Variants in CFAP54 observed in about 807,000 individuals in gnomAD.
CFAP54 encodes cilia- and flagella-associated protein 54.
Under a neutral mutation model 370.4 loss-of-function variants are expected in CFAP54, and 290 were observed. That is an observed-to-expected ratio of 0.78 (90% confidence interval 0.71 to 0.86). CFAP54 has a LOEUF of 0.86. CFAP54 is among the 40% of genes least tolerant of loss of function. CFAP54 has a pLI of 0.00. For missense variants in CFAP54, 3,399 were observed against 3,528.7 expected (o/e 0.96, Z 0.93); for synonymous variants, 1,206 against 1,236.5 (o/e 0.98, Z 0.52).
chr12:96,676,983 A>G (rs1296807479), intron 39 of CFAP54, among the ~76,000 whole-genome samples: 1 of 144,748 alleles, frequency 6.9e-6, no homozygotes, highest in Non-Finnish European at 1.5e-5. Flanking sequence ...AGCCCCAAAT[A>G]TCTGTGCAAA....
chr12:96,599,458 A>G (rs1305614572), intron 26 of CFAP54, among the ~76,000 whole-genome samples: 4 of 152,058 alleles, frequency 2.6e-5, no homozygotes, highest in Non-Finnish European at 5.9e-5. Flanking sequence ...GAATAGTGCC[A>G]CAATAAACAT....
intron 60 of CFAP54, among the ~76,000 whole-genome samples, chr12:96,775,780 G>A (rs1207135799): frequency 6.6e-6 from 1 of 152,034 alleles, no homozygotes; most frequent in Non-Finnish European, 1.5e-5. Context: ...TCCCGCTTTT[G>A]TTTCACTTTT....
chr12:96,518,242 C>G (rs1006990652), intron 5 of CFAP54, among the ~76,000 whole-genome samples: 2 of 152,168 alleles, frequency 1.3e-5, no homozygotes, highest in African/African-American at 4.8e-5. Flanking sequence ...GGCTGTAAGC[C>G]TTTTTCATTT....
At chr12:96,636,228 G>A (rs1226570004) in intron 32 of CFAP54, among the ~76,000 whole-genome samples, 1 of 152,034 alleles carries the variant, frequency 6.6e-6, no homozygotes, top group Non-Finnish European at 1.5e-5. Context: ...TACCAAATAT[G>A]TATTTTTATT....
intron 2 of CFAP54, 156 bp downstream of exon 2, chr12:96,501,095 A>C: frequency 2.0e-6 from 1 of 488,252 alleles, no homozygotes; most frequent in South Asian, 3.1e-5. Flanking sequence ...CACAGTAACC[A>C]AAAAAGTGTT....
chr12:96,722,645 G>A (rs980900370), intron 50 of CFAP54, among the ~76,000 whole-genome samples: 7 of 152,176 alleles, frequency 4.6e-5, no homozygotes, highest in African/African-American at 1.7e-4. Flanking sequence ...ATTGTAAAGG[G>A]TTGGCTCTTG....
chr12:96,735,435 G>A (rs1338459569), intron 50 of CFAP54, among the ~76,000 whole-genome samples: 1 of 152,142 alleles, frequency 6.6e-6, no homozygotes, highest in Admixed American at 6.5e-5. Context: ...CTAACACTGT[G>A]CAGAGGCTTA....
intron 1 of CFAP54, among the ~76,000 whole-genome samples, chr12:96,492,501 C>G (rs935122143): frequency 6.6e-6 from 1 of 152,192 alleles, no homozygotes; most frequent in Non-Finnish European, 1.5e-5. Context: ...GTGGCCTTTC[C>G]TATCGAATGC....
intron 39 of CFAP54, among the ~76,000 whole-genome samples, chr12:96,668,201 C>T (rs999839775): frequency 2.0e-5 from 3 of 152,188 alleles, no homozygotes; most frequent in Non-Finnish European, 4.4e-5. Context: ...CTGTCTTCTT[C>T]CGAGCCCTCC....
intron 17 of CFAP54, among the ~76,000 whole-genome samples, chr12:96,561,659 C>T (rs1247284706): frequency 1.4e-5 from 2 of 145,426 alleles, no homozygotes; most frequent in African/African-American, 5.0e-5. Flanking sequence ...GTGCTCATTG[C>T]TATTGAGATG....
At chr12:96,670,723 G>A (rs1221036121) in intron 39 of CFAP54, among the ~76,000 whole-genome samples, 1 of 152,200 alleles carries the variant, frequency 6.6e-6, no homozygotes, top group Non-Finnish European at 1.5e-5. Context: ...CTAAGGAAAA[G>A]GAAGCAGTCA....
chr12:96,819,807 A>T (rs1288144889), intron 65 of CFAP54, among the ~76,000 whole-genome samples: 1 of 152,142 alleles, frequency 6.6e-6, no homozygotes, highest in African/African-American at 2.4e-5. Flanking sequence ...TTTATCAAAT[A>T]ATGTCTCAAA....
intron 19 of CFAP54, among the ~76,000 whole-genome samples, chr12:96,572,363 G>T (rs184248898): frequency 3.2e-4 from 48 of 152,098 alleles, no homozygotes; most frequent in Non-Finnish European, 7.4e-5. Flanking sequence ...AGAAGAGGAC[G>T]TGAGATGCTC....
intron 62 of CFAP54, 93 bp from the exon 63 acceptor site, chr12:96,792,236 C>A: frequency 9.2e-7 from 1 of 1,092,366 alleles, no homozygotes; most frequent in Non-Finnish European, 1.3e-6. Context: ...CTGAGACAAT[C>A]CCAGAATTTT....
chr12:96,630,034 T>A, intron 30 of CFAP54, 59 bp from the exon 31 acceptor site: 1 of 719,882 alleles, frequency 1.4e-6, no homozygotes, highest in Non-Finnish European at 2.2e-6. Context: ...ACATATTACT[T>A]TGGGGTAGTT....
At chr12:96,711,526 C>T (rs1957614013) in intron 48 of CFAP54, among the ~76,000 whole-genome samples, 1 of 152,114 alleles carries the variant, frequency 6.6e-6, no homozygotes, top group Non-Finnish European at 1.5e-5. Context: ...ACAAGGGAAC[C>T]CTGTCTGCTT....
intron 26 of CFAP54, among the ~76,000 whole-genome samples, chr12:96,617,511 T>C (rs1390070867): frequency 1.3e-5 from 2 of 152,198 alleles, no homozygotes; most frequent in African/African-American, 4.8e-5. Context: ...TCCTAATCCC[T>C]CCCAACCTCA....
At chr12:96,792,595 A>C (rs190835813) in intron 63 of CFAP54, 96 bp downstream of exon 63, 1 of 898,908 alleles carries the variant, frequency 1.1e-6, no homozygotes, top group Non-Finnish European at 1.6e-6. Flanking sequence ...CTCTTATCAT[A>C]TAGATGAGAA....
At chr12:96,630,728 GA>G in intron 32 of CFAP54, 77 bp downstream of exon 32, 1 of 845,358 alleles carries the variant, frequency 1.2e-6, no homozygotes, top group Non-Finnish European at 1.7e-6. Context: ...GGGTACTAGG[GA>G]TACACTGGTG....
Sources: gnomAD v4.1 joint callset for allele counts (sites outside exome capture counted in the v4.1 genomes callset) on GRCh38, gnomAD v4.1.1 for gene constraint, MANE v1.5 for transcripts, NCBI Gene and HGNC (gene_info 2026-07-23, HGNC 2026-07-21) for gene names.